Variants in NNT observed in about 807,000 individuals in gnomAD.
The protein encoded by NNT is nicotinamide nucleotide transhydrogenase.
Under a neutral mutation model 104.8 loss-of-function variants are expected in NNT, and 50 were observed. That is an observed-to-expected ratio of 0.48 (90% CI 0.38 to 0.60). The LOEUF (loss-of-function observed/expected upper bound fraction) is 0.60. NNT is among the 20% of genes least tolerant of loss of function. The probability of loss-of-function intolerance (pLI) is 0.00; values close to 1 mark genes in which losing one functional copy is unlikely to be tolerated. For missense variants in NNT, 1,131 were observed against 1,330.7 expected (o/e 0.85, Z 2.33); for synonymous variants, 461 against 490.4 (o/e 0.94, Z 0.79).
chr5:43,691,465 C>A (rs756145442), intron 19 of NNT, among the ~76,000 whole-genome samples: 1 of 152,144 alleles, frequency 6.6e-6, no homozygotes, highest in East Asian at 1.9e-4. Context: ...TATCCAAGTG[C>A]CCTCTGATCT....
At chr5:43,695,151 A>T (rs1048853273) in intron 19 of NNT, among the ~76,000 whole-genome samples, 2 of 152,188 alleles carry the variant, frequency 1.3e-5, no homozygotes, top group Admixed American at 1.3e-4. Flanking sequence ...CAAGACCCCT[A>T]ATGGTAGCTT....
intron 1 of NNT, among the ~76,000 whole-genome samples, chr5:43,605,464 C>A (rs1307392653): frequency 7.9e-6 from 1 of 126,758 alleles, no homozygotes; most frequent in African/African-American, 3.1e-5. Flanking sequence ...TGCAGTGAGC[C>A]GAGATTGCGC....
At chr5:43,605,493 G>A (rs56007449) in intron 1 of NNT, among the ~76,000 whole-genome samples, 113 of 131,826 alleles carry the variant, frequency 8.6e-4, no homozygotes, top group Admixed American at 2.1e-3. Context: ...TCCGCAGTCC[G>A]GCCTGGGCGA....
intron 7 of NNT, among the ~76,000 whole-genome samples, chr5:43,632,941 G>T (rs1007004072): frequency 1.3e-5 from 2 of 152,132 alleles, no homozygotes; most frequent in African/African-American, 4.8e-5. Flanking sequence ...TATGGTGTGG[G>T]GTGAGAAGGA....
Position 43,654,368 on chromosome 5 carries a change from A to T in NNT, c.2059+1155A>T, listed in dbSNP as rs187795187. On this transcript the variant is annotated intron_variant, in intron 14 of 21. Transcript: ENST00000344920. ...GTTAATGATGCAGCTTAAACTTGAG[A>T]TGTTTTGACTGTAGCTGTGACATTG... 3.9e-5 allele frequency among the ~76,000 whole-genome samples: 6 copies of T among 152,350 alleles called. No homozygotes were observed. The East Asian group carries it at 1.2e-3, about 29-fold the overall frequency.
At position 43,609,261 on chromosome 5, in the gene NNT, C is replaced by T; in HGVS notation, c.66C>T (p.Ser22=). The change falls in exon 2 of 22, where the codon TCC becomes TCT. Residue 22 remains serine (S), a synonymous_variant. Transcript: ENST00000344920. ...GTCCTCTACTTAGCAATTTGGGGTCCTGTAAGGGTCTACGTGTGAAGAAGG... is the reference window on the plus strand; with the variant it reads ...GTCCTCTACTTAGCAATTTGGGGTCTTGTAAGGGTCTACGTGTGAAGAAGG... ...CSCPLLSNLG[S]CKGLRVKKDF... is the part of the protein sequence containing the mutation. The T allele has an allele frequency of 5.0e-6, 8 of 1,613,928 alleles. No homozygotes were observed. Among genetic ancestry groups the T allele is most frequent in the Non-Finnish European group, 6.8e-6 (8 of 1,179,866 alleles).
intron 7 of NNT, among the ~76,000 whole-genome samples, chr5:43,630,970 C>G (rs1759363376): frequency 6.6e-6 from 1 of 152,038 alleles, no homozygotes; most frequent in African/African-American, 2.4e-5. Flanking sequence ...CAGTAGCTTC[C>G]CCCACAACAA....
intron 13 of NNT, among the ~76,000 whole-genome samples, 155 bp from the exon 14 acceptor site, chr5:43,652,863 C>T (rs1440696686): frequency 6.6e-6 from 1 of 151,874 alleles, no homozygotes; most frequent in Non-Finnish European, 1.5e-5. Context: ...GATAGCAAAT[C>T]CAGAAAAAAT....
At chr5:43,660,617 A>G (rs1250811701) in intron 17 of NNT, among the ~76,000 whole-genome samples, 1 of 152,230 alleles carries the variant, frequency 6.6e-6, no homozygotes, top group African/African-American at 2.4e-5. Flanking sequence ...TAATTGACTC[A>G]CAGCTCCACA....
intron 16 of NNT, among the ~76,000 whole-genome samples, chr5:43,657,268 TA>T (rs1455569243): frequency 6.6e-6 from 1 of 152,210 alleles, no homozygotes; most frequent in Admixed American, 6.5e-5. Context: ...GAAATGCAGT[TA>T]AAAAACCCTG....
At chr5:43,628,107 T>A (rs1032905681) in intron 6 of NNT, 93 bp from the exon 7 acceptor site, 1 of 950,138 alleles carries the variant, frequency 1.1e-6, no homozygotes, top group East Asian at 2.8e-5. Context: ...ATATATAGTT[T>A]GTTGTTCTTA....
chr5:43,637,159 G>A (rs1347637182), intron 7 of NNT, among the ~76,000 whole-genome samples: 1 of 151,976 alleles, frequency 6.6e-6, no homozygotes, highest in Non-Finnish European at 1.5e-5. Context: ...ATCTCTTTAG[G>A]CTCATGAACA....
chr5:43,655,815 A>T (rs1407813217), intron 14 of NNT, 25 bp from the exon 15 acceptor site: 1 of 1,564,378 alleles, frequency 6.4e-7, no homozygotes, highest in Admixed American at 1.7e-5. Flanking sequence ...TCAAGTTTTA[A>T]TTTATTTTTG....
At chr5:43,683,451 G>A (rs1741824578) in intron 19 of NNT, among the ~76,000 whole-genome samples, 2 of 152,194 alleles carry the variant, frequency 1.3e-5, no homozygotes, top group South Asian at 4.1e-4. Context: ...ACTCTAGGAT[G>A]CATTCCTTAT....
At chr5:43,632,866 A>G (rs1750747429) in intron 7 of NNT, among the ~76,000 whole-genome samples, 1 of 152,164 alleles carries the variant, frequency 6.6e-6, no homozygotes, top group Non-Finnish European at 1.5e-5. Context: ...TCATAGACAT[A>G]GAATAGTTAA....
At chr5:43,640,189 C>CT (rs1423972257) in intron 7 of NNT, among the ~76,000 whole-genome samples, 1 of 152,064 alleles carries the variant, frequency 6.6e-6, no homozygotes, top group Non-Finnish European at 1.5e-5. Context: ...TTTCACCAAG[C>CT]TGTCTCTGGG....
chr5:43,639,096 C>G (rs1040822895), intron 7 of NNT, among the ~76,000 whole-genome samples: 60 of 152,048 alleles, frequency 3.9e-4, no homozygotes. Context: ...ATGATATATT[C>G]TTTTGCTACA....
chr5:43,653,012 G>T lies in NNT; in HGVS notation c.1864-6G>T. On this transcript the variant is annotated splice_polypyrimidine_tract_variant and splice_region_variant and intron_variant, in intron 13 of 21. Transcript: ENST00000344920. ...ATAATCTCTCTCTCACTTTTCCTTT[G>T]AAAAGATCATGTACCTAGGCTCGGG... The T allele has an allele frequency of 6.3e-7, 1 of 1,597,888 alleles. No individual in the cohort carries two copies. Among genetic ancestry groups the T allele is most frequent in the South Asian group, 1.1e-5 (1 of 89,522 alleles).
At chr5:43,675,440 A>G (rs1032846959) in intron 17 of NNT, 71 bp from the exon 18 acceptor site, 1 of 1,307,508 alleles carries the variant, frequency 7.6e-7, no homozygotes, top group African/African-American at 1.5e-5. Flanking sequence ...AATATCATAT[A>G]CACAACATTT....
Sources: gnomAD v4.1 joint callset for allele counts (sites outside exome capture counted in the v4.1 genomes callset) on GRCh38, gnomAD v4.1.1 for gene constraint, MANE v1.5 for transcripts, NCBI Gene and HGNC (gene_info 2026-07-23, HGNC 2026-07-21) for gene names.